TMCC1: variants seen among roughly 807,000 people sequenced by gnomAD.
TMCC1 encodes the protein transmembrane and coiled-coil domains protein 1.
TMCC1 carries 15 observed loss-of-function variants against 52.4 expected under a neutral mutation model. The ratio of observed to expected loss-of-function variants is 0.29; its 90% CI spans 0.19 to 0.44. The LOEUF (loss-of-function observed/expected upper bound fraction) is 0.44. TMCC1 is among the 20% of genes least tolerant of loss of function. TMCC1 has a pLI of 1.00. For synonymous variants in TMCC1, 279 were observed against 301.9 expected (o/e 0.92, Z 0.79); for missense variants, 503 against 806.0 (o/e 0.62, Z 4.55).
At chr3:129,767,471 C>T (rs2054224186) in intron 4 of TMCC1, among the ~76,000 whole-genome samples, 1 of 151,970 alleles carries the variant, frequency 6.6e-6, no homozygotes, top group Non-Finnish European at 1.5e-5. Flanking sequence ...CTCCAGGGTT[C>T]AAGCAAAGCT....
intron 4 of TMCC1, among the ~76,000 whole-genome samples, chr3:129,690,129 C>T (rs1378795100): frequency 6.6e-6 from 1 of 152,196 alleles, no homozygotes; most frequent in African/African-American, 2.4e-5. Context: ...TGATTTCCAT[C>T]CCTTCAGTTT....
At chr3:129,747,938 T>C (rs905739975) in intron 4 of TMCC1, among the ~76,000 whole-genome samples, 6 of 152,062 alleles carry the variant, frequency 3.9e-5, no homozygotes, top group African/African-American at 1.4e-4. Flanking sequence ...CTGAATACAA[T>C]CCAGGAAACT....
intron 4 of TMCC1, among the ~76,000 whole-genome samples, chr3:129,675,154 C>G (rs1385871734): frequency 6.6e-6 from 1 of 152,146 alleles, no homozygotes; most frequent in African/African-American, 2.4e-5. Context: ...GTTTCTAACT[C>G]ACTCCAGATA....
intron 4 of TMCC1, chr3:129,688,192 G>C (rs1193344312): frequency 1.0e-6 from 1 of 985,318 alleles, no homozygotes; most frequent in Non-Finnish European, 1.2e-6. Context: ...CCCCCTGTCA[G>C]GCAGTCTGCT....
chr3:129,719,279 G>A (rs1169190105), intron 4 of TMCC1, among the ~76,000 whole-genome samples: 1 of 152,224 alleles, frequency 6.6e-6, no homozygotes, highest in Non-Finnish European at 1.5e-5. Flanking sequence ...GACAGGGTTA[G>A]GGAGCTTCTG....
intron 2 of TMCC1, chr3:129,847,644 T>G (rs2107889843): frequency 6.6e-6 from 1 of 152,370 alleles, no homozygotes; most frequent in African/African-American, 2.4e-5. Context: ...AATGTTTGTG[T>G]ACAAGTCTTT....
chr3:129,827,144 C>T (rs775257684), intron 4 of TMCC1, among the ~76,000 whole-genome samples: 20 of 152,222 alleles, frequency 1.3e-4, no homozygotes, highest in Non-Finnish European at 2.1e-4. Flanking sequence ...TGCATGGCTA[C>T]GCGTACCTGA....
At position 129,749,377 on chromosome 3, in the gene TMCC1, T is replaced by C. The variant is rs191478011; in HGVS notation, c.577-78113A>G. Among the ~76,000 whole-genome samples, 10 of 152,208 alleles carry C rather than the reference T, an allele frequency of 6.6e-5. No homozygotes were observed. In the East Asian group the frequency reaches 1.4e-3, roughly 21 times the overall value. On this transcript the variant is annotated intron_variant, in intron 4 of 6. Coordinates refer to ENST00000393238, the MANE Select transcript of TMCC1 (RefSeq NM_001017395.5). ...AAATGACTGTAGTCATGTATACATA[T>C]TAAACTTATAAAATCCTTCTTGCCA... is the stretch of plus-strand genomic sequence containing the variant.
intron 4 of TMCC1, among the ~76,000 whole-genome samples, chr3:129,773,457 T>C (rs1306241103): frequency 6.6e-6 from 1 of 152,210 alleles, no homozygotes; most frequent in East Asian, 1.9e-4. Context: ...AGAGCTAGAC[T>C]TCTCTGAACG....
At chr3:129,851,065 C>A (rs1011884948) in intron 2 of TMCC1, among the ~76,000 whole-genome samples, 4 of 152,186 alleles carry the variant, frequency 2.6e-5, no homozygotes, top group Admixed American at 6.5e-5. Flanking sequence ...TTGTTTATGG[C>A]CAGTTTTGGG....
chr3:129,752,090 C>A lies in TMCC1; in HGVS notation c.576+75713G>T, dbSNP rs143253633. 2.6e-4 allele frequency among the ~76,000 whole-genome samples: 40 copies of A among 152,300 alleles called. No homozygotes were observed. In the East Asian group the frequency reaches 7.5e-3, roughly 29 times the overall value. On this transcript the variant is annotated intron_variant, in intron 4 of 6. Coordinates refer to ENST00000393238, the MANE Select transcript of TMCC1 (RefSeq NM_001017395.5). Reference sequence around the variant, plus strand: ...GAATGCTTATACTATGAAAGGACCACCTTAATCCTGACCTCCCAACACAGC... The same window carrying A: ...GAATGCTTATACTATGAAAGGACCAACTTAATCCTGACCTCCCAACACAGC...
chr3:129,861,924 T>C (rs1339393484), intron 2 of TMCC1, among the ~76,000 whole-genome samples: 9 of 152,210 alleles, frequency 5.9e-5, no homozygotes, highest in Non-Finnish European at 1.2e-4. Context: ...AACAGCATTA[T>C]TCAAAATGGC....
intron 4 of TMCC1, among the ~76,000 whole-genome samples, chr3:129,768,081 T>A (rs2054272138): frequency 6.6e-6 from 1 of 152,116 alleles, no homozygotes; most frequent in Non-Finnish European, 1.5e-5. Context: ...CTCAGTTACT[T>A]GCAAGGCTGA....
intron 4 of TMCC1, among the ~76,000 whole-genome samples, chr3:129,699,689 T>A (rs2047676475): frequency 6.6e-6 from 1 of 152,164 alleles, no homozygotes; most frequent in African/African-American, 2.4e-5. Flanking sequence ...CTTTCCTGGG[T>A]AACCAGAGGA....
At chr3:129,703,699 G>A (rs1457438035) in intron 4 of TMCC1, among the ~76,000 whole-genome samples, 1 of 152,160 alleles carries the variant, frequency 6.6e-6, no homozygotes, top group Non-Finnish European at 1.5e-5. Flanking sequence ...ATAATATTCG[G>A]CTATTAACAC....
At chr3:129,707,079 A>G (rs2048307210) in intron 4 of TMCC1, among the ~76,000 whole-genome samples, 2 of 152,168 alleles carry the variant, frequency 1.3e-5, no homozygotes, top group African/African-American at 4.8e-5. Flanking sequence ...CAGATTTAGA[A>G]GTTGGTGATG....
intron 4 of TMCC1, among the ~76,000 whole-genome samples, chr3:129,759,326 G>A (rs111969376): frequency 0.042 from 6,274 of 148,704 alleles, 432 homozygotes; most frequent in African/African-American, 0.15. Context: ...GGAGTGCAGT[G>A]GCACAATCTC....
At chr3:129,754,932 G>T (rs990142299) in intron 4 of TMCC1, among the ~76,000 whole-genome samples, 3 of 152,010 alleles carry the variant, frequency 2.0e-5, no homozygotes, top group Non-Finnish European at 2.9e-5. Context: ...ACCAAAATTA[G>T]CCAGGTGTGG....
chr3:129,655,187 A>G, intron 5 of TMCC1, 84 bp from the exon 6 acceptor site: 1 of 1,508,346 alleles, frequency 6.6e-7, no homozygotes, highest in Non-Finnish European at 9.0e-7. Flanking sequence ...CCCAAAACAC[A>G]TTCTACAAAG....
Sources: gnomAD v4.1 joint callset for allele counts (sites outside exome capture counted in the v4.1 genomes callset) on GRCh38, gnomAD v4.1.1 for gene constraint, MANE v1.5 for transcripts, NCBI Gene and HGNC (gene_info 2026-07-23, HGNC 2026-07-21) for gene names.